The following GLIPR1L1 variants were observed in gnomAD, a reference collection of about 807,000 sequenced individuals.
The protein encoded by GLIPR1L1 is GLIPR1 like 1.
A neutral mutation model predicts 29.9 loss-of-function variants in GLIPR1L1; 26 were observed. The ratio of observed to expected loss-of-function variants is 0.87; its 90% CI spans 0.64 to 1.21. The LOEUF (loss-of-function observed/expected upper bound fraction) is 1.21, where lower values mean the gene tolerates loss of function less well. GLIPR1L1 is among the 50% of genes most tolerant of loss of function. The pLI, the probability that GLIPR1L1 is intolerant of heterozygous loss-of-function variation, is 0.00. For missense variants in GLIPR1L1, 305 were observed against 290.3 expected, an observed-to-expected ratio of 1.05 and a Z score of -0.37; for synonymous variants, 77 against 97.5, an observed-to-expected ratio of 0.79 and a Z score of 1.24.
intron 3 of GLIPR1L1, among the ~76,000 whole-genome samples, chr12:75,349,029 G>A (rs963980557): frequency 5.3e-5 from 8 of 152,192 alleles, no homozygotes; most frequent in African/African-American, 1.9e-4. Context: ...TACCAATACA[G>A]CTAGAGTTCA....
intron 1 of GLIPR1L1, among the ~76,000 whole-genome samples, chr12:75,339,909 A>G (rs1222627924): frequency 6.6e-6 from 1 of 151,134 alleles, no homozygotes; most frequent in African/African-American, 2.4e-5. Context: ...TTTATCCCTC[A>G]CCCCACTCCC....
intron 3 of GLIPR1L1, among the ~76,000 whole-genome samples, chr12:75,356,161 A>G (rs2043143536): frequency 6.6e-6 from 1 of 152,192 alleles, no homozygotes; most frequent in African/African-American, 2.4e-5. Flanking sequence ...TAATTTAAAA[A>G]AAGAAAAAGA....
At chr12:75,366,698 G>T in intron 4 of GLIPR1L1, 5 of 513,424 alleles carry the variant, frequency 9.7e-6, no homozygotes, top group South Asian at 2.6e-5. Context: ...GTTTTTTTGT[G>T]TTGCAGATCA....
chr12:75,337,261 T>C (rs2041799495), intron 1 of GLIPR1L1, among the ~76,000 whole-genome samples: 1 of 151,684 alleles, frequency 6.6e-6, no homozygotes, highest in South Asian at 2.1e-4. Flanking sequence ...CATAATTTGA[T>C]GAAATTGAAA....
intron 1 of GLIPR1L1, 52 bp downstream of exon 1, chr12:75,334,954 T>C: frequency 6.6e-7 from 1 of 1,519,750 alleles, no homozygotes; most frequent in Non-Finnish European, 9.0e-7. Context: ...TCCTGAGGTA[T>C]CTGGGTGATA....
rs374849329 is a variant in GLIPR1L1 at position 75,347,755 on chromosome 12, G to A, written c.521+33G>A. ...ATTTTCTCTTAAAAATATTTTAATT[G>A]AAATTAATGTTGATGATGGTTGCCA... is the stretch of plus-strand genomic sequence containing the variant. On this transcript the variant is annotated intron_variant, in intron 3 of 5. Coordinates refer to ENST00000378695, the MANE Select transcript of GLIPR1L1 (RefSeq NM_001304964.2). 647 of 1,416,020 alleles carry A rather than the reference G, an allele frequency of 4.6e-4. 11 individuals are homozygous for A. The South Asian group carries it at 5.1e-3, about 11-fold the overall frequency. The allele number at this position is 1,416,020 out of a possible 1,614,324, so 87.7% of individuals were successfully genotyped here.
intron 4 of GLIPR1L1, among the ~76,000 whole-genome samples, chr12:75,368,691 T>C (rs2044157364): frequency 6.6e-6 from 1 of 152,014 alleles, no homozygotes; most frequent in African/African-American, 2.4e-5. Context: ...TTCAAGTTTG[T>C]ATTAGACTCA....
At chr12:75,335,273 G>A (rs2041648023) in intron 1 of GLIPR1L1, among the ~76,000 whole-genome samples, 1 of 151,914 alleles carries the variant, frequency 6.6e-6, no homozygotes, top group South Asian at 2.1e-4. Flanking sequence ...CAAAGAAATA[G>A]CCCAGGAATG....
intron 1 of GLIPR1L1, among the ~76,000 whole-genome samples, 179 bp downstream of exon 1, chr12:75,335,081 G>C (rs1232006321): frequency 1.3e-5 from 2 of 152,188 alleles, no homozygotes; most frequent in Non-Finnish European, 2.9e-5. Flanking sequence ...GAGTGAACAA[G>C]AAAGGAAGAC....
chr12:75,353,118 TAGC>T (rs959856120), intron 3 of GLIPR1L1, among the ~76,000 whole-genome samples: 54 of 151,912 alleles, frequency 3.6e-4, no homozygotes, highest in African/African-American at 1.2e-3. Flanking sequence ...ACCCCAAAGC[TAGC>T]AGAAGACAAG....
intron 2 of GLIPR1L1, among the ~76,000 whole-genome samples, chr12:75,344,245 G>A (rs2042304115): frequency 6.6e-6 from 1 of 152,050 alleles, no homozygotes; most frequent in South Asian, 2.1e-4. Flanking sequence ...GAAGTGGGAA[G>A]TTCTCTTCAA....
chr12:75,366,257 A>C (rs1320715703), intron 4 of GLIPR1L1, among the ~76,000 whole-genome samples: 1 of 152,192 alleles, frequency 6.6e-6, no homozygotes, highest in African/African-American at 2.4e-5. Flanking sequence ...TTTTTATTTC[A>C]GAACTTAAGC....
chr12:75,340,397 TAAGAA>T (rs1447615507), intron 1 of GLIPR1L1, among the ~76,000 whole-genome samples: 1 of 151,322 alleles, frequency 6.6e-6, no homozygotes, highest in South Asian at 2.1e-4. Flanking sequence ...TTAATGCCTA[TAAGAA>T]AAGAAAAAAC....
At chr12:75,367,130 C>A in intron 4 of GLIPR1L1, 1 of 662,840 alleles carries the variant, frequency 1.5e-6, no homozygotes, top group Non-Finnish European at 2.7e-6. Context: ...CTTTAGAATA[C>A]ACCTCCAAAG....
intron 3 of GLIPR1L1, among the ~76,000 whole-genome samples, chr12:75,356,797 A>C (rs2043184083): frequency 6.6e-6 from 1 of 152,196 alleles, no homozygotes; most frequent in African/African-American, 2.4e-5. Flanking sequence ...GCTGCCTATG[A>C]AAAACTTTAG....
At chr12:75,335,927 A>C (rs553143228) in intron 1 of GLIPR1L1, among the ~76,000 whole-genome samples, 1 of 152,006 alleles carries the variant, frequency 6.6e-6, no homozygotes, top group South Asian at 2.1e-4. Flanking sequence ...ATGTATGATA[A>C]AAAAGAGTAA....
intron 3 of GLIPR1L1, among the ~76,000 whole-genome samples, chr12:75,353,895 T>G (rs141714355): frequency 1.3e-5 from 2 of 152,158 alleles, no homozygotes; most frequent in African/African-American, 4.8e-5. Context: ...AAAAACCATA[T>G]GATTATCTCA....
rs764644644 is a variant in GLIPR1L1 at position 75,343,787 on chromosome 12, A to C, written c.269A>C (p.Tyr90Ser). ...NDCLDKSYKC[Y>S]AAFEYVGENI... ...TGTTTGGATAAATCATATAAATGCT[A>C]TGCAGCTTTTGAATATGTTGGAGAA... Residue 90 changes from tyrosine (Y) to serine (S), a missense_variant, in exon 2 of 6, where the codon TAT becomes TCT. By Grantham distance (144) the Tyr-to-Ser change is moderately radical (BLOSUM62 -2). Coordinates refer to ENST00000378695, the MANE Select transcript of GLIPR1L1 (RefSeq NM_001304964.2). The C allele has an allele frequency of 3.1e-6, 5 of 1,612,814 alleles. No homozygotes were observed. The South Asian group carries it at 4.4e-5, about 14-fold the overall frequency.
rs73364071 is a variant in GLIPR1L1 at position 75,335,371 on chromosome 12, T to C, written c.174+469T>C. Among the ~76,000 whole-genome samples, 577 of 152,248 alleles carry C rather than the reference T, an allele frequency of 3.8e-3. 8 individuals are homozygous for C. Among genetic ancestry groups the C allele is most frequent in the African/African-American group, 0.013 (555 of 41,554 alleles). On this transcript the variant is annotated intron_variant, in intron 1 of 5. Coordinates refer to ENST00000378695, the MANE Select transcript of GLIPR1L1 (RefSeq NM_001304964.2). ...CATGTGTAGTATTATTTGAAAAAAA[T>C]ACAGTACTCTATTGAAGAATAAGCA...
Sources: allele counts gnomAD v4.1 joint callset (sites outside exome capture counted in the v4.1 genomes callset), GRCh38; gene constraint gnomAD v4.1.1; transcripts MANE v1.5; gene names NCBI Gene and HGNC (gene_info 2026-07-23, HGNC 2026-07-21).